RTCA: variants seen among roughly 807,000 people sequenced by gnomAD.
The protein encoded by RTCA is RNA terminal phosphate cyclase domain 1.
RTCA carries 37 observed loss-of-function variants against 46.1 expected under a neutral mutation model. The observed-to-expected ratio is 0.80, with a 90% CI of 0.62 to 1.06. The LOEUF (loss-of-function observed/expected upper bound fraction) is 1.06. Among genes scored for constraint, RTCA ranks in the 50% least tolerant of loss-of-function variants. The probability of loss-of-function intolerance (pLI) is 0.00; values close to 1 mark genes in which losing one functional copy is unlikely to be tolerated. For synonymous variants in RTCA, 164 were observed against 158.3 expected, an observed-to-expected ratio of 1.04 and a Z score of -0.27; for missense variants, 435 against 455.5, an observed-to-expected ratio of 0.95 and a Z score of 0.41.
chr1:100,272,992 C>G (rs1666180119), intron 4 of RTCA, among the ~76,000 whole-genome samples: 1 of 152,074 alleles, frequency 6.6e-6, no homozygotes, highest in Admixed American at 6.6e-5. Context: ...AATGTTAAAG[C>G]ATTGTCTGTG....
chr1:100,281,443 T>C (rs1180850786), intron 8 of RTCA: 1 of 396,898 alleles, frequency 2.5e-6, no homozygotes, highest in Middle Eastern at 5.2e-4. Context: ...GATTGTGATC[T>C]ATGTTTAAGG....
chr1:100,275,135 T>C (rs1666303951), intron 6 of RTCA, among the ~76,000 whole-genome samples, 170 bp downstream of exon 6: 1 of 152,196 alleles, frequency 6.6e-6, no homozygotes, highest in African/African-American at 2.4e-5. Flanking sequence ...AGCAAATTAA[T>C]GTGGGAACAG....
In RTCA at chr1:100,283,865, A is replaced by C. The variant is rs958248333; in HGVS notation, c.800-1363A>C. Among the ~76,000 whole-genome samples the C allele has an allele frequency of 3.5e-5, 5 of 142,070 alleles. No individual in the cohort carries two copies. In the East Asian group the frequency reaches 1.1e-3, roughly 32 times the overall value. The allele number at this position is 142,070 out of a possible 152,430, so 93.2% of individuals were successfully genotyped here. ...CACTTTGGGAGGCTGAAGCGGGAGG[A>C]TCACTTGAGTTCAGGAGTTTGAGAC... On this transcript the variant is annotated intron_variant, in intron 8 of 10. Coordinates refer to ENST00000370128, the MANE Select transcript of RTCA (RefSeq NM_003729.4).
At chr1:100,278,308 T>G (rs1223974317) in intron 8 of RTCA, among the ~76,000 whole-genome samples, 1 of 152,194 alleles carries the variant, frequency 6.6e-6, no homozygotes, top group Non-Finnish European at 1.5e-5. Flanking sequence ...AATGTTTTTG[T>G]GAAAGGGAAA....
chr1:100,270,116 T>C (rs1666001362), intron 3 of RTCA, among the ~76,000 whole-genome samples: 1 of 152,222 alleles, frequency 6.6e-6, no homozygotes, highest in South Asian at 2.1e-4. Context: ...CCTTGTTATA[T>C]AGTAACTAAT....
In RTCA at chr1:100,288,347, A is replaced by C. The variant is rs182063133; in HGVS notation, c.999+1144A>C. 1.3e-3 allele frequency among the ~76,000 whole-genome samples: 204 copies of C among 152,288 alleles called. 1 individual carries two copies. Among genetic ancestry groups the C allele is most frequent in the African/African-American group, 4.8e-3 (199 of 41,560 alleles). On this transcript the variant is annotated intron_variant, in intron 10 of 10. Transcript: ENST00000370128. ...CCATTTTGCTTATTCTTTATAAAGT[A>C]ATTTTATAAAGAAATATAAAATTTG... is the stretch of plus-strand genomic sequence containing the variant.
chr1:100,279,587 C>T (rs1192353016), intron 8 of RTCA, among the ~76,000 whole-genome samples: 2 of 151,822 alleles, frequency 1.3e-5, no homozygotes, highest in African/African-American at 4.8e-5. Flanking sequence ...ACAGCCTGGC[C>T]AACATGGCAA....
chr1:100,268,266 A>G lies in RTCA; in HGVS notation c.261A>G (p.Gly87=), dbSNP rs1484872735. Residue 87 remains glycine, a synonymous_variant, in exon 3 of 11, where the codon GGA becomes GGG. Coordinates refer to ENST00000370128, the MANE Select transcript of RTCA (RefSeq NM_003729.4). The part of the protein sequence containing the change: ...ITFTPEKIKG[G]IHTADTKTAG... ...TTACACCAGAGAAGATCAAAGGTGG[A>G]ATCCACACAGCAGATACCAAGACAG... The G allele has an allele frequency of 1.2e-6, 2 of 1,613,946 alleles. No homozygotes were observed. The highest frequency in any genetic ancestry group is 4.5e-5 in the East Asian group (2 of 44,880).
intron 8 of RTCA, among the ~76,000 whole-genome samples, chr1:100,282,513 G>A (rs1256682122): frequency 2.6e-5 from 4 of 152,152 alleles, no homozygotes; most frequent in Non-Finnish European, 5.9e-5. Context: ...CACAGAGTTA[G>A]CACTTAATTA....
chr1:100,268,396 C>A, intron 3 of RTCA, 101 bp downstream of exon 3: 1 of 951,628 alleles, frequency 1.1e-6, no homozygotes, highest in Non-Finnish European at 1.5e-6. Flanking sequence ...TGTTTCCCTA[C>A]TTTTATGTTT....
intron 2 of RTCA, chr1:100,267,390 G>C: frequency 4.2e-6 from 5 of 1,202,084 alleles, no homozygotes; most frequent in Non-Finnish European, 5.4e-6. Context: ...TCACCAACAG[G>C]GGAATCCAAT....
At chr1:100,268,751 CAATACTTA>C (rs920559899) in intron 3 of RTCA, among the ~76,000 whole-genome samples, 1 of 152,062 alleles carries the variant, frequency 6.6e-6, no homozygotes, top group Non-Finnish European at 1.5e-5. Context: ...CTTCCCAGTT[CAATACTTA>C]AGCATCATTG....
intron 2 of RTCA, chr1:100,266,930 G>T (rs898866996): frequency 5.5e-5 from 22 of 400,822 alleles, no homozygotes; most frequent in Middle Eastern, 6.6e-4. Flanking sequence ...CGAACAGCAC[G>T]TATGAGCTGG....
intron 7 of RTCA, among the ~76,000 whole-genome samples, chr1:100,276,617 C>G (rs551269558): frequency 3.3e-5 from 5 of 152,132 alleles, no homozygotes; most frequent in African/African-American, 9.7e-5. Context: ...GCGGATGTTG[C>G]AGTGAGCTGA....
chr1:100,288,245 C>G (rs114036294), intron 10 of RTCA, among the ~76,000 whole-genome samples: 6 of 152,076 alleles, frequency 3.9e-5, no homozygotes, highest in Admixed American at 3.9e-4. Context: ...TCTCCTAAAT[C>G]GTTTCTCTTT....
At chr1:100,284,111 G>A (rs1324653340) in intron 8 of RTCA, among the ~76,000 whole-genome samples, 2 of 151,790 alleles carry the variant, frequency 1.3e-5, no homozygotes, top group Admixed American at 6.6e-5. Context: ...GTTTTCATTT[G>A]CAGCCAAGAA....
intron 8 of RTCA, among the ~76,000 whole-genome samples, chr1:100,283,675 C>T (rs1666847573): frequency 6.6e-6 from 1 of 151,960 alleles, no homozygotes; most frequent in South Asian, 2.1e-4. Context: ...ATGGCAGTGG[C>T]TAACAAGAAG....
At chr1:100,285,842 C>A (rs1031267691) in intron 9 of RTCA, among the ~76,000 whole-genome samples, 2 of 152,150 alleles carry the variant, frequency 1.3e-5, no homozygotes, top group African/African-American at 4.8e-5. Context: ...GTATGTTGAC[C>A]AGGCTAATCC....
intron 7 of RTCA, among the ~76,000 whole-genome samples, chr1:100,276,352 G>A (rs3131832): frequency 0.98 from 149,562 of 152,280 alleles, 73,513 homozygotes; most frequent in Middle Eastern, 1. Context: ...TGTGAAATCA[G>A]TTCACAAATA....
Sources: allele counts gnomAD v4.1 joint callset (sites outside exome capture counted in the v4.1 genomes callset), GRCh38; gene constraint gnomAD v4.1.1; transcripts MANE v1.5; gene names NCBI Gene and HGNC (gene_info 2026-07-23, HGNC 2026-07-21).